Variants in LSAMP observed in about 807,000 individuals in gnomAD.
LSAMP encodes limbic system associated membrane protein, also known as limbic system-associated membrane protein.
A neutral mutation model predicts 38.6 loss-of-function variants in LSAMP; 7 were observed. The observed-to-expected ratio is 0.18, with a 90% CI of 0.10 to 0.34. The LOEUF (loss-of-function observed/expected upper bound fraction) is 0.34, where lower values mean the gene tolerates loss of function less well. Ranked by LOEUF, LSAMP falls within the 10% of genes least tolerant of loss-of-function variation. LSAMP has a pLI of 1.00. For missense variants in LSAMP, 313 were observed against 420.0 expected, an observed-to-expected ratio of 0.75 and a Z score of 2.23; for synonymous variants, 154 against 166.8, an observed-to-expected ratio of 0.92 and a Z score of 0.59.
intron 3 of LSAMP, among the ~76,000 whole-genome samples, chr3:115,945,317 T>C (rs1938058992): frequency 6.6e-6 from 1 of 152,102 alleles, no homozygotes; most frequent in African/African-American, 2.4e-5. Flanking sequence ...AAAGCATTCC[T>C]AGGATTAATC....
At chr3:116,429,698 C>A (rs2049254131) in intron 1 of LSAMP, among the ~76,000 whole-genome samples, 1 of 151,924 alleles carries the variant, frequency 6.6e-6, no homozygotes, top group African/African-American at 2.4e-5. Context: ...TGGCTGAGTT[C>A]CGGCAGGGTT....
chr3:116,299,442 A>G (rs2047377935), intron 1 of LSAMP, among the ~76,000 whole-genome samples: 1 of 152,270 alleles, frequency 6.6e-6, no homozygotes, highest in Non-Finnish European at 1.5e-5. Context: ...CTGAGAAAGT[A>G]CACAATGACA....
At position 116,202,206 on chromosome 3, in the gene LSAMP, T is replaced by G. The variant is rs111617147; in HGVS notation, c.156-115650A>C. Among the ~76,000 whole-genome samples, 661 of 151,546 alleles carry G rather than the reference T, an allele frequency of 4.4e-3. 7 individuals carry two copies. Among genetic ancestry groups the G allele is most frequent in the African/African-American group, 0.015 (623 of 41,332 alleles). On this transcript the variant is annotated intron_variant, in intron 1 of 6. Transcript: ENST00000490035. ...GCTGGAGTGTTGTGGGGCAATATCA[T>G]CTCACTGCAACCTCCACCTCCCAGG... is the stretch of plus-strand genomic sequence containing the variant.
chr3:116,434,295 T>C (rs1559866888), intron 1 of LSAMP, among the ~76,000 whole-genome samples: 1 of 152,210 alleles, frequency 6.6e-6, no homozygotes, highest in Non-Finnish European at 1.5e-5. Flanking sequence ...TATTTGAGCA[T>C]CCACGGGTAC....
chr3:115,928,929 T>C (rs901235797), intron 3 of LSAMP, among the ~76,000 whole-genome samples: 1 of 152,030 alleles, frequency 6.6e-6, no homozygotes, highest in Non-Finnish European at 1.5e-5. Context: ...AGATACCTTC[T>C]TTTTTCTATG....
intron 3 of LSAMP, among the ~76,000 whole-genome samples, chr3:115,973,226 G>A (rs1028800034): frequency 7.9e-5 from 12 of 152,154 alleles, no homozygotes; most frequent in African/African-American, 2.9e-4. Flanking sequence ...ACTTTAGAAA[G>A]ATTAATTTGG....
At chr3:115,906,510 A>C (rs74778810) in intron 3 of LSAMP, among the ~76,000 whole-genome samples, 4,278 of 152,202 alleles carry the variant, frequency 0.028, 238 homozygotes, top group African/African-American at 0.096. Context: ...GACTTCGAAG[A>C]GAAGGCAGTT....
At chr3:116,371,267 T>A (rs993070052) in intron 1 of LSAMP, among the ~76,000 whole-genome samples, 1 of 152,086 alleles carries the variant, frequency 6.6e-6, no homozygotes, top group Non-Finnish European at 1.5e-5. Context: ...CAGACCGATA[T>A]CCCTTATGAA....
intron 1 of LSAMP, among the ~76,000 whole-genome samples, chr3:116,200,984 C>G (rs1468288626): frequency 6.6e-6 from 1 of 152,194 alleles, no homozygotes; most frequent in East Asian, 1.9e-4. Context: ...TAATATGGAG[C>G]TCTGACAGCC....
At chr3:116,401,213 G>T (rs1317454901) in intron 1 of LSAMP, among the ~76,000 whole-genome samples, 1 of 152,140 alleles carries the variant, frequency 6.6e-6, no homozygotes, top group East Asian at 1.9e-4. Flanking sequence ...TTATTAAAGA[G>T]AAACTTGTTG....
At chr3:116,309,382 T>C (rs2047526561) in intron 1 of LSAMP, among the ~76,000 whole-genome samples, 1 of 152,256 alleles carries the variant, frequency 6.6e-6, no homozygotes, top group African/African-American at 2.4e-5. Flanking sequence ...CACTGTTCCA[T>C]ATAGTAACCG....
At chr3:115,883,667 CCCAGATCTAAAT>C (rs1462120682) in intron 3 of LSAMP, among the ~76,000 whole-genome samples, 3 of 151,958 alleles carry the variant, frequency 2.0e-5, no homozygotes, top group Non-Finnish European at 4.4e-5. Context: ...CTGTAGGAAT[CCCAGATCTAAAT>C]CTAGTGAAGG....
chr3:116,000,737 G>C (rs1435239688), intron 3 of LSAMP, among the ~76,000 whole-genome samples: 1 of 152,114 alleles, frequency 6.6e-6, no homozygotes, highest in Non-Finnish European at 1.5e-5. Flanking sequence ...CTGTATGACA[G>C]GTTCATAACC....
intron 1 of LSAMP, among the ~76,000 whole-genome samples, chr3:116,125,345 A>G (rs1191743409): frequency 1.3e-5 from 2 of 148,854 alleles, no homozygotes; most frequent in African/African-American, 4.9e-5. Flanking sequence ...CATAGTTATT[A>G]TTATTCATAG....
chr3:116,069,023 T>G (rs1443219899), intron 2 of LSAMP, among the ~76,000 whole-genome samples: 1 of 152,236 alleles, frequency 6.6e-6, no homozygotes. Flanking sequence ...AAACTATGCT[T>G]GGTGATATGT....
chr3:116,269,865 A>G (rs1160356906), intron 1 of LSAMP, among the ~76,000 whole-genome samples: 2 of 152,176 alleles, frequency 1.3e-5, no homozygotes, highest in Non-Finnish European at 2.9e-5. Context: ...GAAACTGCCC[A>G]AACATTGTAT....
intron 1 of LSAMP, among the ~76,000 whole-genome samples, chr3:116,433,241 T>C (rs565745790): frequency 6.6e-6 from 1 of 152,276 alleles, no homozygotes; most frequent in East Asian, 1.9e-4. Flanking sequence ...TTTTTAATAT[T>C]TTGTTTCTAG....
intron 1 of LSAMP, among the ~76,000 whole-genome samples, chr3:116,130,841 C>T (rs1479271416): frequency 6.6e-6 from 1 of 151,924 alleles, no homozygotes; most frequent in Non-Finnish European, 1.5e-5. Flanking sequence ...TATTTTTCTT[C>T]CCCCTTTTCC....
intron 1 of LSAMP, among the ~76,000 whole-genome samples, chr3:116,402,512 C>T (rs1316447563): frequency 6.6e-6 from 1 of 151,900 alleles, no homozygotes; most frequent in Non-Finnish European, 1.5e-5. Flanking sequence ...CATTCAAAGT[C>T]ATTTTAATTG....
Sources: gnomAD v4.1 joint callset for allele counts (sites outside exome capture counted in the v4.1 genomes callset) on GRCh38, gnomAD v4.1.1 for gene constraint, MANE v1.5 for transcripts, NCBI Gene and HGNC (gene_info 2026-07-23, HGNC 2026-07-21) for gene names.